Variants in CLVS1 observed in about 807,000 individuals in gnomAD.
CLVS1 encodes clavesin-1.
A neutral mutation model predicts 33.1 loss-of-function variants in CLVS1; 10 were observed. The ratio of observed to expected loss-of-function variants is 0.30; its 90% CI spans 0.19 to 0.51. The LOEUF (loss-of-function observed/expected upper bound fraction) is 0.51, where lower values mean the gene tolerates loss of function less well. Ranked by LOEUF, CLVS1 falls within the 20% of genes least tolerant of loss-of-function variation. CLVS1 has a pLI of 0.97. For synonymous variants in CLVS1, 163 were observed against 166.1 expected (o/e 0.98, Z 0.14); for missense variants, 343 against 433.4 (o/e 0.79, Z 1.85).
intron 2 of CLVS1, among the ~76,000 whole-genome samples, chr8:61,318,106 A>G (rs1210429726): frequency 6.6e-6 from 1 of 152,172 alleles, no homozygotes; most frequent in Non-Finnish European, 1.5e-5. Flanking sequence ...GCGTGTATTT[A>G]GTTATAAATT....
chr8:61,053,595 G>A (rs1419082303), upstream of CLVS1, among the ~76,000 whole-genome samples: 1 of 152,234 alleles, frequency 6.6e-6, no homozygotes, highest in Non-Finnish European at 1.5e-5. Context: ...ACAGAGATGA[G>A]CATGTGGCCC....
intron 1 of CLVS1, among the ~76,000 whole-genome samples, chr8:61,129,189 C>G (rs571336095): frequency 6.6e-6 from 1 of 152,350 alleles, no homozygotes; most frequent in East Asian, 1.9e-4. Context: ...AAGAGTAACT[C>G]ATGGTTGCTG....
At chr8:61,458,637 G>A in intron 5 of CLVS1, 95 bp downstream of exon 5, 3 of 784,624 alleles carry the variant, frequency 3.8e-6, no homozygotes, top group Non-Finnish European at 6.0e-6. Context: ...AGACCTTTAT[G>A]GGCAGAGAAC....
the CLVS1 span, among the ~76,000 whole-genome samples, chr8:61,017,782 T>TC: frequency 6.6e-6 from 1 of 152,116 alleles, no homozygotes; most frequent in African/African-American, 2.4e-5. Context: ...AGATCAGGGC[T>TC]GGGGGGGCTC....
the CLVS1 span, among the ~76,000 whole-genome samples, chr8:61,019,590 A>G: frequency 6.6e-6 from 1 of 152,184 alleles, no homozygotes; most frequent in African/African-American, 2.4e-5. Context: ...ACTCTCATTA[A>G]GAGAGAGTCT....
chr8:61,444,626 A>G (rs993268068), intron 3 of CLVS1, among the ~76,000 whole-genome samples: 1 of 152,226 alleles, frequency 6.6e-6, no homozygotes, highest in African/African-American at 2.4e-5. Flanking sequence ...ACAGATCCCT[A>G]GAAACAGGGA....
Position 61,084,470 on chromosome 8 carries a change from G to C in CLVS1, c.-243+27240G>C, listed in dbSNP as rs376336037. Reference sequence around the variant, plus strand: ...GTCACAATTGGAGCAATGGAGGAGAGAGTTCTACTACTAGCTAGTGAGTAG... The same window carrying C: ...GTCACAATTGGAGCAATGGAGGAGACAGTTCTACTACTAGCTAGTGAGTAG... On this transcript the variant is annotated intron_variant, in intron 1 of 2. Transcript: ENST00000522621. 7.2e-5 allele frequency among the ~76,000 whole-genome samples: 11 copies of C among 152,292 alleles called. No individual in the cohort carries two copies. The South Asian group carries it at 1.0e-3, about 14-fold the overall frequency.
intron 1 of CLVS1, among the ~76,000 whole-genome samples, chr8:61,123,271 A>AAATAATAAT (rs58959777): frequency 0.012 from 1,761 of 146,950 alleles, 202 homozygotes; most frequent in African/African-American, 0.039. Context: ...CTCTGTCTCA[A>AAATAATAAT]AATAATAATA....
chr8:61,437,707 A>G (rs1014988002), intron 3 of CLVS1, among the ~76,000 whole-genome samples: 27 of 152,348 alleles, frequency 1.8e-4, no homozygotes, highest in African/African-American at 6.0e-4. Flanking sequence ...ACATTTTCAA[A>G]TCATGATTCT....
chr8:61,232,199 TA>T (rs1418670293), intron 2 of CLVS1, among the ~76,000 whole-genome samples: 1 of 151,684 alleles, frequency 6.6e-6, no homozygotes, highest in Non-Finnish European at 1.5e-5. Context: ...CATGCCCGGC[TA>T]ATTTTTTGTA....
At chr8:61,385,962 G>A (rs1420225790) in intron 3 of CLVS1, among the ~76,000 whole-genome samples, 4 of 152,208 alleles carry the variant, frequency 2.6e-5, no homozygotes, top group Non-Finnish European at 5.9e-5. Flanking sequence ...GTAGACATTT[G>A]AGGGACTTTT....
chr8:61,295,509 T>C (rs68017812), intron 1 of CLVS1, among the ~76,000 whole-genome samples: 40,374 of 152,046 alleles, frequency 0.27, 7,898 homozygotes, highest in East Asian at 0.84. Flanking sequence ...GGCAGAGTAT[T>C]AGGCCACCCA....
Position 61,422,452 on chromosome 8 carries a change from C to T in CLVS1, c.631-31689C>T, listed in dbSNP as rs10216571. Among the ~76,000 whole-genome samples the T allele has an allele frequency of 6.4e-3, 967 of 152,148 alleles. 15 individuals carry two copies. Among genetic ancestry groups the T allele is most frequent in the African/African-American group, 0.022 (910 of 41,480 alleles). On this transcript the variant is annotated intron_variant, in intron 3 of 5. Transcript: ENST00000325897. ...AAATAAATAATTAAAGATCATAGTCCGTGCACAAAGAAGAGAAAATGAATC... is the reference window on the plus strand; with the variant it reads ...AAATAAATAATTAAAGATCATAGTCTGTGCACAAAGAAGAGAAAATGAATC...
At chr8:61,447,284 G>T (rs1816789115) in intron 3 of CLVS1, among the ~76,000 whole-genome samples, 1 of 151,978 alleles carries the variant, frequency 6.6e-6, no homozygotes, top group South Asian at 2.1e-4. Flanking sequence ...TTTGGAGTGA[G>T]TTTCTTATGG....
At chr8:61,204,626 A>G (rs1030123437) in intron 2 of CLVS1, among the ~76,000 whole-genome samples, 21 of 152,230 alleles carry the variant, frequency 1.4e-4, no homozygotes, top group Admixed American at 1.2e-3. Flanking sequence ...TTAAAAATAA[A>G]AGAATTTCAT....
rs986531054 is a variant in CLVS1, at chr8:61,299,989, G to A, written c.162G>A (p.Gln54=). 8 of 1,613,986 alleles carry A rather than the reference G, an allele frequency of 5.0e-6. No individual in the cohort carries two copies. The highest frequency in any genetic ancestry group is 3.3e-5 in the Admixed American group (2 of 59,962). Residue 54 remains glutamine (Q), a synonymous_variant, in exon 2 of 6, where the codon CAG becomes CAA. Transcript: ENST00000325897. ...CCGATGTTTTACATCAGGATATTCA[G>A]CAAGTCAGGGACATGATCATCACCA... is the stretch of plus-strand genomic sequence containing the variant. ...ENPDVLHQDI[Q]QVRDMIITRP... is the part of the protein sequence containing the mutation.
intron 2 of CLVS1, among the ~76,000 whole-genome samples, chr8:61,214,613 C>T (rs561233609): frequency 5.9e-5 from 9 of 152,284 alleles, no homozygotes; most frequent in South Asian, 4.1e-4. Context: ...TCTTGATCTT[C>T]GACATCTTAC....
rs754825862 is a variant in CLVS1 at position 61,397,015 on chromosome 8, A to G, written c.630+20236A>G. Among the ~76,000 whole-genome samples, 7 of 152,090 alleles carry G rather than the reference A, an allele frequency of 4.6e-5. No homozygotes were observed. In the East Asian group the frequency reaches 1.2e-3, roughly 25 times the overall value. On this transcript the variant is annotated intron_variant, in intron 3 of 5. Coordinates refer to ENST00000325897, the MANE Select transcript of CLVS1 (RefSeq NM_173519.3). ...TGTACATCCCTGTACATATTTTTGT[A>G]TAGACATTTGTTTTCATTTTGCTTG...
At chr8:61,251,782 T>G (rs1416670138) in intron 2 of CLVS1, among the ~76,000 whole-genome samples, 1 of 152,108 alleles carries the variant, frequency 6.6e-6, no homozygotes, top group African/African-American at 2.4e-5. Context: ...TTTTTTATTG[T>G]ATCTATTTGA....
Sources: allele counts gnomAD v4.1 joint callset (sites outside exome capture counted in the v4.1 genomes callset), GRCh38; gene constraint gnomAD v4.1.1; transcripts MANE v1.5; gene names NCBI Gene and HGNC (gene_info 2026-07-23, HGNC 2026-07-21).